Variants in BANP observed in about 807,000 individuals in gnomAD.
The protein encoded by BANP is protein BANP.
In BANP, 11 loss-of-function variants were observed where a neutral mutation model predicts 68.1. That is an observed-to-expected ratio of 0.16 (90% CI 0.10 to 0.27). The LOEUF (loss-of-function observed/expected upper bound fraction) is 0.27. Ranked by LOEUF, BANP falls within the 10% of genes least tolerant of loss-of-function variation. The probability of loss-of-function intolerance (pLI) is 1.00; values close to 1 mark genes in which losing one functional copy is unlikely to be tolerated. For missense variants in BANP, 504 were observed against 722.7 expected, an observed-to-expected ratio of 0.70 and a Z score of 3.47; for synonymous variants, 329 against 303.2, an observed-to-expected ratio of 1.09 and a Z score of -0.88.
At chr16:88,009,495 G>T (rs551932185) in intron 6 of BANP, among the ~76,000 whole-genome samples, 14 of 152,310 alleles carry the variant, frequency 9.2e-5, no homozygotes, top group African/African-American at 2.9e-4. Context: ...TCAGTTTATT[G>T]TACTGCAAAG....
chr16:87,954,426 C>A (rs2057629710), intron 1 of BANP, among the ~76,000 whole-genome samples: 1 of 152,188 alleles, frequency 6.6e-6, no homozygotes, highest in Non-Finnish European at 1.5e-5. Flanking sequence ...TATGGCAAGT[C>A]CTCCATACTG....
chr16:88,033,386 A>G (rs531733603), intron 9 of BANP, 141 bp downstream of exon 9: 19 of 899,982 alleles, frequency 2.1e-5, no homozygotes, highest in Non-Finnish European at 3.0e-5. Flanking sequence ...CCCCATTTAA[A>G]GTAGAGGTCA....
At chr16:88,055,532 C>T (rs1021369349) in intron 11 of BANP, among the ~76,000 whole-genome samples, 2 of 152,150 alleles carry the variant, frequency 1.3e-5, no homozygotes, top group Non-Finnish European at 2.9e-5. Flanking sequence ...GCTTCAGAAT[C>T]TTTTTCCATG....
chr16:87,993,618 G>A (rs1273434163), intron 4 of BANP, among the ~76,000 whole-genome samples: 2 of 86,286 alleles, frequency 2.3e-5, no homozygotes, highest in Non-Finnish European at 5.1e-5. Context: ...TTTTTCTTTT[G>A]AGACAGAGTT....
intron 1 of BANP, among the ~76,000 whole-genome samples, chr16:87,954,895 C>G (rs1408910794): frequency 6.6e-6 from 1 of 152,270 alleles, no homozygotes; most frequent in African/African-American, 2.4e-5. Context: ...ACTCCACCTT[C>G]CTGCTTCCTT....
At chr16:87,980,830 C>G in intron 2 of BANP, 1 of 546,724 alleles carries the variant, frequency 1.8e-6, no homozygotes, top group African/African-American at 1.9e-5. Flanking sequence ...ACATTAATTG[C>G]CCAGTGTCTG....
chr16:87,996,726 C>T (rs924064012), intron 4 of BANP, among the ~76,000 whole-genome samples: 5 of 152,242 alleles, frequency 3.3e-5, no homozygotes, highest in Admixed American at 2.6e-4. Context: ...GTTGCCCTCC[C>T]GTCCTTCCCT....
chr16:88,072,104 C>T lies in BANP; in HGVS notation c.1413C>T (p.Ser471=), dbSNP rs1361246908. ...LQGAQLIAVA[S]SDPAAAGVDG... ...GTGCACAGCTGATCGCCGTGGCCTCCTCGGACCCCGCGGCGGCGGGCGTGG... is the reference window on the plus strand; with the variant it reads ...GTGCACAGCTGATCGCCGTGGCCTCTTCGGACCCCGCGGCGGCGGGCGTGG... Residue 471 remains serine, a synonymous_variant, in exon 13 of 14, where the codon TCC becomes TCT. Coordinates refer to ENST00000682872, the MANE Select transcript of BANP (RefSeq NM_001386991.1). 1.9e-6 allele frequency: 3 copies of T among 1,602,074 alleles called. No individual in the cohort carries two copies. The highest frequency in any genetic ancestry group is 2.7e-5 in the African/African-American group (2 of 74,860).
chr16:88,071,922 A>T lies in BANP; in HGVS notation c.1378-147A>T, dbSNP rs1156861661. On this transcript the variant is annotated intron_variant, in intron 12 of 13. Transcript: ENST00000682872. This position sits in a 1 kb window ranked among gnomAD's most constrained non-coding sequence, Gnocchi z 6.5. ...GATGGGGAGACAGGATGTGCCGCAG[A>T]GTCCTCGGTGTGGCCCTGAGGCCGT... 2.0e-6 allele frequency: 2 copies of T among 1,008,766 alleles called. No individual in the cohort carries two copies. Among genetic ancestry groups the T allele is most frequent in the Non-Finnish European group, 1.5e-6 (1 of 668,300 alleles). The allele number at this position is 1,008,766 out of a possible 1,614,324, so 62.5% of individuals were successfully genotyped here.
At chr16:87,950,773 T>TTAGA (rs1354118852), upstream of BANP, 12 of 152,344 alleles carry the variant, frequency 7.9e-5, no homozygotes, top group East Asian at 2.3e-3. Context: ...CCTATAGGAC[T>TTAGA]TATCTAAGAC....
intron 1 of BANP, among the ~76,000 whole-genome samples, chr16:87,954,250 C>G (rs1332150403): frequency 4.6e-5 from 7 of 152,098 alleles, no homozygotes; most frequent in Non-Finnish European, 1.0e-4. Context: ...TTTTAATGTC[C>G]AAGCATGTAT....
chr16:88,011,799 G>T (rs979675383), intron 6 of BANP, among the ~76,000 whole-genome samples: 5 of 152,018 alleles, frequency 3.3e-5, no homozygotes, highest in African/African-American at 1.2e-4. Context: ...GCTGTTCAGG[G>T]TACCCCCCCT....
upstream of BANP, among the ~76,000 whole-genome samples, chr16:87,949,971 G>A (rs558270677): frequency 1.1e-4 from 17 of 150,774 alleles, no homozygotes; most frequent in African/African-American, 3.7e-4. Flanking sequence ...TCCGCCTCCC[G>A]GGTTCACGCC....
chr16:88,015,775 G>A (rs578202453), intron 6 of BANP, among the ~76,000 whole-genome samples: 2 of 152,374 alleles, frequency 1.3e-5, no homozygotes, highest in East Asian at 1.9e-4. Flanking sequence ...CTCTTCTAGC[G>A]CCTCAGCGGC....
intron 7 of BANP, among the ~76,000 whole-genome samples, chr16:88,024,554 C>T (rs913261041): frequency 1.3e-5 from 2 of 152,260 alleles, no homozygotes; most frequent in African/African-American, 4.8e-5. Flanking sequence ...AATCCGAGCC[C>T]TGAGGGCTGC....
intron 1 of BANP, among the ~76,000 whole-genome samples, chr16:87,961,013 T>C (rs2059020308): frequency 6.6e-6 from 1 of 152,228 alleles, no homozygotes; most frequent in Non-Finnish European, 1.5e-5. Flanking sequence ...TTTGATATTA[T>C]AGACTGAACA....
intron 6 of BANP, among the ~76,000 whole-genome samples, chr16:88,015,826 G>A (rs1398115432): frequency 6.6e-6 from 1 of 152,256 alleles, no homozygotes; most frequent in South Asian, 2.1e-4. Context: ...GCTCTGTACC[G>A]GTGCTGCCAG....
rs550298421 is a variant in BANP at position 88,057,467 on chromosome 16, C to A, written c.1312-7800C>A. Among the ~76,000 whole-genome samples the A allele has an allele frequency of 6.6e-6, 1 of 152,130 alleles. No individual in the cohort carries two copies. The highest frequency in any genetic ancestry group is 2.1e-4 in the South Asian group (1 of 4,816). ...CAGGGGGATGCCCTGGAGACTCTTG[C>A]GGTCCCCTCCACGTGTTCACCTCGT... On this transcript the variant is annotated intron_variant, in intron 11 of 13. Transcript: ENST00000682872. The surrounding 1 kb of genome is among the most constrained non-coding windows in gnomAD (Gnocchi z 4.6).
chr16:88,018,809 T>C lies in BANP; in HGVS notation c.895+142T>C. On this transcript the variant is annotated intron_variant, in intron 7 of 13. Transcript: ENST00000682872. This position sits in a 1 kb window ranked among gnomAD's most constrained non-coding sequence, Gnocchi z 7.7. ...GCGGTTTGAAATCTCAGCCCGAGGA[T>C]CAGTGCTCGAGGGGATGGATGAGCT... 8.6e-7 allele frequency: 1 copy of C among 1,162,480 alleles called. No homozygotes were observed. Among genetic ancestry groups the C allele is most frequent in the East Asian group, 2.6e-5 (1 of 38,738 alleles). The allele number at this position is 1,162,480 out of a possible 1,614,324, so 72.0% of individuals were successfully genotyped here.
Sources: gnomAD v4.1 joint callset for allele counts (sites outside exome capture counted in the v4.1 genomes callset) on GRCh38, gnomAD v4.1.1 for gene constraint, Gnocchi (gnomAD v3.1) non-coding constraint, MANE v1.5 for transcripts, NCBI Gene and HGNC (gene_info 2026-07-23, HGNC 2026-07-21) for gene names.